The following RYR3 variants were observed in gnomAD, a reference collection of about 807,000 sequenced individuals.
RYR3 encodes the protein ryanodine receptor 3.
Under a neutral mutation model 584.3 loss-of-function variants are expected in RYR3, and 207 were observed. The observed-to-expected ratio is 0.35, with a 90% CI of 0.32 to 0.40. The LOEUF (loss-of-function observed/expected upper bound fraction) is 0.40. Ranked by LOEUF, RYR3 falls within the 10% of genes least tolerant of loss-of-function variation. The probability of loss-of-function intolerance (pLI) is 1.00; values close to 1 mark genes in which losing one functional copy is unlikely to be tolerated. For missense variants in RYR3, 5,616 were observed against 6,089.2 expected (o/e 0.92, Z 2.59); for synonymous variants, 2,416 against 2,248.5 (o/e 1.07, Z -2.11).
intron 55 of RYR3, among the ~76,000 whole-genome samples, chr15:33,749,134 A>T (rs1036004): frequency 1.3e-5 from 2 of 152,084 alleles, no homozygotes; most frequent in Non-Finnish European, 2.9e-5. Flanking sequence ...TGTATCAAAA[A>T]CCAAAATAAA....
At chr15:33,600,898 A>G (rs1173731265) in intron 16 of RYR3, among the ~76,000 whole-genome samples, 1 of 152,092 alleles carries the variant, frequency 6.6e-6, no homozygotes, top group Non-Finnish European at 1.5e-5. Flanking sequence ...AAATTTTGTT[A>G]AGACCTCCGC....
At chr15:33,346,907 AGCCTGG>A (rs1972524889) in intron 1 of RYR3, among the ~76,000 whole-genome samples, 1 of 152,212 alleles carries the variant, frequency 6.6e-6, no homozygotes, top group Non-Finnish European at 1.5e-5. Flanking sequence ...GTTCGAGACC[AGCCTGG>A]GCAACATAGC....
At chr15:33,767,177 C>T (rs780131352) in intron 60 of RYR3, among the ~76,000 whole-genome samples, 2 of 152,204 alleles carry the variant, frequency 1.3e-5, no homozygotes, top group Admixed American at 1.3e-4. Context: ...TGATGACTCT[C>T]TACAGTGAGA....
At chr15:33,502,960 G>C (rs765568963) in intron 2 of RYR3, among the ~76,000 whole-genome samples, 1 of 152,188 alleles carries the variant, frequency 6.6e-6, no homozygotes, top group Non-Finnish European at 1.5e-5. Context: ...ATTAGCTACT[G>C]TTAGTATGCA....
chr15:33,685,541 A>T (rs1326218308), intron 38 of RYR3, among the ~76,000 whole-genome samples: 1 of 152,212 alleles, frequency 6.6e-6, no homozygotes, highest in African/African-American at 2.4e-5. Flanking sequence ...AACGAGACAG[A>T]AAGTTAACAA....
chr15:33,487,006 T>A (rs1645340261), intron 2 of RYR3, among the ~76,000 whole-genome samples: 1 of 152,080 alleles, frequency 6.6e-6, no homozygotes. Context: ...AAGACCACCC[T>A]GGCCAACATG....
At chr15:33,864,529 G>C (rs1228712849) in intron 103 of RYR3, among the ~76,000 whole-genome samples, 1 of 152,208 alleles carries the variant, frequency 6.6e-6, no homozygotes, top group Non-Finnish European at 1.5e-5. Context: ...GTACAACGGA[G>C]TGAGAGACAG....
chr15:33,342,399 A>G (rs1029604932), intron 1 of RYR3, among the ~76,000 whole-genome samples: 2 of 152,232 alleles, frequency 1.3e-5, no homozygotes, highest in Non-Finnish European at 2.9e-5. Flanking sequence ...TTCTCAGATG[A>G]ATTGGGATTT....
intron 27 of RYR3, among the ~76,000 whole-genome samples, chr15:33,640,857 G>A (rs1037443323): frequency 6.6e-6 from 1 of 152,100 alleles, no homozygotes; most frequent in South Asian, 2.1e-4. Flanking sequence ...GTAGGGAGGT[G>A]GTATTCTTTG....
rs149343749 is a variant in RYR3 at position 33,354,653 on chromosome 15, T to C, written c.51+43557T>C. On this transcript the variant is annotated intron_variant, in intron 1 of 103. Coordinates refer to ENST00000634891, the MANE Select transcript of RYR3 (RefSeq NM_001036.6). ...TTCTGTGCTTGGTGGGAAGTTGTGGTGTGGGAGTAGTTTCTCACTAACTCT... is the reference window on the plus strand; with the variant it reads ...TTCTGTGCTTGGTGGGAAGTTGTGGCGTGGGAGTAGTTTCTCACTAACTCT... Among the ~76,000 whole-genome samples the C allele has an allele frequency of 3.2e-4, 49 of 152,328 alleles. 1 individual carries two copies. The East Asian group carries it at 7.5e-3, about 23-fold the overall frequency.
At chr15:33,527,620 C>T (rs1595453583) in intron 3 of RYR3, among the ~76,000 whole-genome samples, 1 of 151,866 alleles carries the variant, frequency 6.6e-6, no homozygotes, top group South Asian at 2.1e-4. Context: ...ATATTTCACC[C>T]ACAAAGCCTA....
At chr15:33,667,563 G>A (rs2063554258) in intron 36 of RYR3, among the ~76,000 whole-genome samples, 1 of 151,954 alleles carries the variant, frequency 6.6e-6, no homozygotes, top group Non-Finnish European at 1.5e-5. Flanking sequence ...CCTGCCACTA[G>A]ATCATTTTCT....
chr15:33,448,628 T>C (rs772126556), intron 1 of RYR3, among the ~76,000 whole-genome samples: 4 of 152,234 alleles, frequency 2.6e-5, no homozygotes, highest in Non-Finnish European at 5.9e-5. Flanking sequence ...ATGAGGGCCT[T>C]TTGCTGCTAG....
intron 1 of RYR3, among the ~76,000 whole-genome samples, chr15:33,450,409 T>C (rs753644222): frequency 4.6e-5 from 7 of 152,104 alleles, no homozygotes; most frequent in Non-Finnish European, 8.8e-5. Flanking sequence ...GTACACCCTG[T>C]AGCTTTGCAA....
rs571025757 is a variant in RYR3 at position 33,652,758 on chromosome 15, A to G, written c.4183A>G (p.Ile1395Val). The change falls in exon 32 of 104, where the codon ATT becomes GTT. Residue 1395 changes from isoleucine to valine, a missense_variant. Ile to Val is a conservative substitution (Grantham distance 29, BLOSUM62 3). Around this residue, in one of 9 missense-constraint regions of RYR3, gnomAD observed 753 missense variants for 741.0 expected, o/e 1.02. Coordinates refer to ENST00000634891, the MANE Select transcript of RYR3 (RefSeq NM_001036.6). Reference sequence around the variant, plus strand: ...CTGCTACATGGTCTGGGGTGGAGACATTGTAGCCAGTTCCCAGAGATCAAA... The same window carrying G: ...CTGCTACATGGTCTGGGGTGGAGACGTTGTAGCCAGTTCCCAGAGATCAAA... ...SNCYMVWGGD[I>V]VASSQRSNRS... 1.3e-4 allele frequency: 215 copies of G among 1,613,790 alleles called. No individual in the cohort carries two copies. The highest frequency in any genetic ancestry group is 1.2e-3 in the South Asian group (108 of 91,012).
intron 96 of RYR3, 100 bp downstream of exon 96, chr15:33,853,782 C>G (rs571975424): frequency 1.4e-6 from 2 of 1,471,410 alleles, no homozygotes; most frequent in East Asian, 4.6e-5. Context: ...TTCTCTCAGG[C>G]TGTGGTCTGG....
At chr15:33,318,298 G>T in intron 1 of RYR3, among the ~76,000 whole-genome samples, 1 of 152,222 alleles carries the variant, frequency 6.6e-6, no homozygotes, top group South Asian at 2.1e-4. Flanking sequence ...ATGAAAGTCT[G>T]GGTTGGTGTC....
chr15:33,630,322 A>C (rs753824723), intron 22 of RYR3, among the ~76,000 whole-genome samples: 20 of 152,348 alleles, frequency 1.3e-4, no homozygotes, highest in Non-Finnish European at 2.4e-4. Flanking sequence ...CCTGCAGTTC[A>C]CATTAAATAA....
chr15:33,338,203 C>T (rs1319989630), intron 1 of RYR3, among the ~76,000 whole-genome samples: 1 of 152,046 alleles, frequency 6.6e-6, no homozygotes, highest in Non-Finnish European at 1.5e-5. Flanking sequence ...TCTTGGCCTC[C>T]CAAAGTGCTG....
Sources: gnomAD v4.1 joint callset for allele counts (sites outside exome capture counted in the v4.1 genomes callset) on GRCh38, gnomAD v4.1.1 for gene constraint, gnomAD v4.1.1 regional missense constraint, MANE v1.5 for transcripts, NCBI Gene and HGNC (gene_info 2026-07-23, HGNC 2026-07-21) for gene names.